CNTN6: variants seen among roughly 807,000 people sequenced by gnomAD.
CNTN6 encodes the protein contactin 6.
In CNTN6, 137 loss-of-function variants were observed where a neutral mutation model predicts 122.8. That is an observed-to-expected ratio of 1.12 (90% CI 0.97 to 1.29). The LOEUF (loss-of-function observed/expected upper bound fraction) is 1.29. Among genes scored for constraint, CNTN6 ranks in the 50% most tolerant of loss-of-function variants. The pLI is 0.00. For synonymous variants in CNTN6, 570 were observed against 426.0 expected (o/e 1.34, Z -4.16); for missense variants, 1,634 against 1,223.4 (o/e 1.34, Z -5.01).
At chr3:1,216,964 A>G (rs2094138423) in intron 2 of CNTN6, among the ~76,000 whole-genome samples, 1 of 152,192 alleles carries the variant, frequency 6.6e-6, no homozygotes, top group Admixed American at 6.5e-5. Flanking sequence ...TTTAATAATA[A>G]TGATGGATGA....
intron 2 of CNTN6, among the ~76,000 whole-genome samples, chr3:1,153,496 G>A (rs550983717): frequency 1.1e-4 from 16 of 151,960 alleles, no homozygotes; most frequent in African/African-American, 3.9e-4. Context: ...CTAAAATAAA[G>A]TTGTTTTTAG....
At chr3:1,299,580 G>A (rs1696850973) in intron 7 of CNTN6, among the ~76,000 whole-genome samples, 1 of 152,302 alleles carries the variant, frequency 6.6e-6, no homozygotes, top group East Asian at 1.9e-4. Flanking sequence ...TGCAGGGCAA[G>A]TTACGTTTTC....
chr3:1,340,764 T>A (rs1459993895), intron 11 of CNTN6, among the ~76,000 whole-genome samples: 2 of 152,122 alleles, frequency 1.3e-5, no homozygotes, highest in Non-Finnish European at 2.9e-5. Context: ...CTAGCATCCA[T>A]CACTTTCAAA....
intron 8 of CNTN6, among the ~76,000 whole-genome samples, chr3:1,322,075 C>T (rs1281176128): frequency 6.6e-6 from 1 of 151,596 alleles, no homozygotes; most frequent in Non-Finnish European, 1.5e-5. Flanking sequence ...AAAATATCAG[C>T]AGTGTCATGT....
intron 4 of CNTN6, among the ~76,000 whole-genome samples, chr3:1,242,494 T>C (rs57650280): frequency 0.12 from 17,620 of 152,152 alleles, 1,857 homozygotes; most frequent in African/African-American, 0.28. Context: ...GCCCATGCTG[T>C]AGCAGGCAAG....
At chr3:1,273,640 A>G (rs536148722) in intron 4 of CNTN6, among the ~76,000 whole-genome samples, 1 of 152,356 alleles carries the variant, frequency 6.6e-6, no homozygotes, top group East Asian at 1.9e-4. Flanking sequence ...GTGTGCTATT[A>G]AACAGTTTTA....
At chr3:1,305,658 A>G (rs1698236039) in intron 7 of CNTN6, among the ~76,000 whole-genome samples, 1 of 151,180 alleles carries the variant, frequency 6.6e-6, no homozygotes. Flanking sequence ...ACAACCAAAC[A>G]TATTTTCCTT....
intron 12 of CNTN6, among the ~76,000 whole-genome samples, chr3:1,367,570 A>G (rs963898260): frequency 6.6e-6 from 1 of 151,954 alleles, no homozygotes; most frequent in Non-Finnish European, 1.5e-5. Context: ...TTAAGAATTT[A>G]TTTGTAACCT....
chr3:1,361,049 C>G (rs1445893627), intron 12 of CNTN6, among the ~76,000 whole-genome samples: 3 of 152,074 alleles, frequency 2.0e-5, no homozygotes, highest in African/African-American at 7.2e-5. Context: ...ATCTCTTTCC[C>G]AGAGTATTGC....
At chr3:1,320,395 C>G (rs961124422) in intron 7 of CNTN6, among the ~76,000 whole-genome samples, 1 of 151,590 alleles carries the variant, frequency 6.6e-6, no homozygotes, top group African/African-American at 2.4e-5. Context: ...CATAAGTGTT[C>G]TTGCTTGAAG....
intron 5 of CNTN6, among the ~76,000 whole-genome samples, chr3:1,278,900 G>A (rs1268530552): frequency 6.6e-6 from 1 of 152,088 alleles, no homozygotes; most frequent in African/African-American, 2.4e-5. Context: ...TTGTTTGTTT[G>A]TTTGTTCAGT....
intron 1 of CNTN6, among the ~76,000 whole-genome samples, chr3:1,124,576 A>C (rs1296675761): frequency 1.3e-5 from 2 of 151,874 alleles, no homozygotes; most frequent in Non-Finnish European, 2.9e-5. Flanking sequence ...AAAAGAACAC[A>C]TATTGGGTAT....
At chr3:1,221,833 T>C (rs1166208373) in intron 3 of CNTN6, among the ~76,000 whole-genome samples, 1 of 152,202 alleles carries the variant, frequency 6.6e-6, no homozygotes, top group Non-Finnish European at 1.5e-5. Context: ...AACCTTTTTT[T>C]AAGTCTTGTT....
intron 11 of CNTN6, among the ~76,000 whole-genome samples, chr3:1,332,018 G>T (rs1702360844): frequency 6.6e-6 from 1 of 151,876 alleles, no homozygotes; most frequent in Non-Finnish European, 1.5e-5. Context: ...GTGATTAAGG[G>T]AATGAACCCT....
At chr3:1,316,692 T>A (rs1218643400) in intron 7 of CNTN6, among the ~76,000 whole-genome samples, 2 of 151,868 alleles carry the variant, frequency 1.3e-5, no homozygotes, top group African/African-American at 2.4e-5. Context: ...CTTTACTACA[T>A]ACATAGTATT....
chr3:1,260,689 T>C (rs2094831028), intron 4 of CNTN6, among the ~76,000 whole-genome samples: 1 of 152,062 alleles, frequency 6.6e-6, no homozygotes, highest in Non-Finnish European at 1.5e-5. Context: ...AATTGAATCA[T>C]GGGGGCGGTT....
At chr3:1,324,452 C>T (rs17037668) in intron 8 of CNTN6, among the ~76,000 whole-genome samples, 4,547 of 149,636 alleles carry the variant, frequency 0.03, 708 homozygotes, top group African/African-American at 0.11. Flanking sequence ...GCAAAACTAC[C>T]AAGCACATCT....
intron 2 of CNTN6, among the ~76,000 whole-genome samples, chr3:1,158,040 G>T (rs892138247): frequency 6.6e-6 from 1 of 152,096 alleles, no homozygotes; most frequent in African/African-American, 2.4e-5. Context: ...TCATATGGGG[G>T]CCCTAGTTTT....
In CNTN6 at chr3:1,257,678, C is replaced by T. The variant is rs577334859; in HGVS notation, c.359-20735C>T. 2.6e-5 allele frequency among the ~76,000 whole-genome samples: 4 copies of T among 152,186 alleles called. No homozygotes were observed. The South Asian group carries it at 8.3e-4, about 32-fold the overall frequency. On this transcript the variant is annotated intron_variant, in intron 4 of 22. Coordinates refer to ENST00000446702, the MANE Select transcript of CNTN6 (RefSeq NM_001289080.2). ...CAATATAGTAGTTAAGAGTAAAGTT[C>T]CCAATTACTCTAAATAATTTTCCCT...
Sources: gnomAD v4.1 joint callset for allele counts (sites outside exome capture counted in the v4.1 genomes callset) on GRCh38, gnomAD v4.1.1 for gene constraint, MANE v1.5 for transcripts, NCBI Gene and HGNC (gene_info 2026-07-23, HGNC 2026-07-21) for gene names.